The following ENPP2 variants were observed in gnomAD, a reference collection of about 807,000 sequenced individuals.
ENPP2 encodes the protein autotaxin.
In ENPP2, 51 loss-of-function variants were observed where a neutral mutation model predicts 120.2. That is an observed-to-expected ratio of 0.42 (90% CI 0.34 to 0.54). The LOEUF is 0.54. Ranked by LOEUF, ENPP2 falls within the 20% of genes least tolerant of loss-of-function variation. The pLI is 0.04. For missense variants in ENPP2, 920 were observed against 1,066.5 expected, an observed-to-expected ratio of 0.86 and a Z score of 1.91; for synonymous variants, 365 against 366.4, an observed-to-expected ratio of 1.00 and a Z score of 0.04.
chr8:119,563,660 T>G (rs912723321), intron 23 of ENPP2, among the ~76,000 whole-genome samples: 8 of 152,200 alleles, frequency 5.3e-5, no homozygotes, highest in Admixed American at 1.3e-4. Context: ...CAGAAATTCA[T>G]AATTCCTTGC....
At chr8:119,668,780 T>C (rs1818155652) in intron 1 of ENPP2, among the ~76,000 whole-genome samples, 2 of 152,188 alleles carry the variant, frequency 1.3e-5, no homozygotes, top group Admixed American at 6.5e-5. Context: ...CATATCACTA[T>C]TGATTTTATC....
At chr8:119,598,990 T>G (rs895644894) in intron 11 of ENPP2, among the ~76,000 whole-genome samples, 3 of 152,216 alleles carry the variant, frequency 2.0e-5, no homozygotes, top group Non-Finnish European at 4.4e-5. Flanking sequence ...GTAGGGAACA[T>G]GGAACTGCTT....
intron 1 of ENPP2, among the ~76,000 whole-genome samples, chr8:119,668,429 C>CTTTTT (rs5894492): frequency 8.2e-4 from 91 of 110,402 alleles, no homozygotes; most frequent in Non-Finnish European, 1.0e-3. Context: ...TTTTCTTTTT[C>CTTTTT]TTTTTTTTTT....
At chr8:119,604,842 C>T (rs142409930) in intron 9 of ENPP2, among the ~76,000 whole-genome samples, 5 of 152,190 alleles carry the variant, frequency 3.3e-5, no homozygotes, top group East Asian at 3.9e-4. Context: ...GGCATGGTCT[C>T]GGCTCACTGC....
intron 5 of ENPP2, among the ~76,000 whole-genome samples, chr8:119,617,928 G>A (rs140950172): frequency 0.015 from 2,288 of 152,106 alleles, 38 homozygotes; most frequent in African/African-American, 0.043. Context: ...CAGCCTGGGC[G>A]ACAAGAGTGA....
upstream of ENPP2, among the ~76,000 whole-genome samples, chr8:119,639,602 G>C (rs1206283520): frequency 1.3e-5 from 2 of 152,040 alleles, no homozygotes; most frequent in Non-Finnish European, 2.9e-5. Flanking sequence ...GCTTGTTTCG[G>C]GCGGGGCGGA....
chr8:119,596,145 A>G (rs1426316794), intron 11 of ENPP2: 5 of 660,692 alleles, frequency 7.6e-6, no homozygotes, highest in African/African-American at 5.5e-5. Flanking sequence ...GGAATGAGGG[A>G]TGGATGATTA....
chr8:119,641,035 C>T (rs1231777142), upstream of ENPP2, among the ~76,000 whole-genome samples: 6 of 152,134 alleles, frequency 3.9e-5, no homozygotes, highest in Admixed American at 2.6e-4. Flanking sequence ...GTGTGAACCA[C>T]CGTGCCTGGC....
chr8:119,557,820 T>A (rs1047236735), intron 24 of ENPP2, 129 bp from the exon 25 acceptor site: 8 of 656,080 alleles, frequency 1.2e-5, no homozygotes, highest in Non-Finnish European at 1.2e-5. Context: ...ATGTTGATCC[T>A]TCCTGGCCTC....
chr8:119,581,764 T>G, intron 18 of ENPP2, among the ~76,000 whole-genome samples: 1 of 81,144 alleles, frequency 1.2e-5, no homozygotes, highest in Non-Finnish European at 2.7e-5. Context: ...TTTCATTTCC[T>G]TTTTTTTTTT....
intron 3 of ENPP2, among the ~76,000 whole-genome samples, chr8:119,622,193 T>C (rs1815954816): frequency 6.6e-6 from 1 of 152,218 alleles, no homozygotes; most frequent in African/African-American, 2.4e-5. Flanking sequence ...CCTCCCAATG[T>C]GCTGGGATTA....
rs557538341 is a variant in ENPP2 at position 119,623,322 on chromosome 8, G to A, written c.293-1803C>T. Reference sequence around the variant, plus strand: ...CTACTAAAGATACAAAAAATTAGCCGGGCATGGTGGTGCATGCCTGTAATC... The same window carrying A: ...CTACTAAAGATACAAAAAATTAGCCAGGCATGGTGGTGCATGCCTGTAATC... On this transcript the variant is annotated intron_variant, in intron 3 of 24. Coordinates refer to ENST00000075322, the MANE Select transcript of ENPP2 (RefSeq NM_001040092.3). 7.2e-5 allele frequency among the ~76,000 whole-genome samples: 11 copies of A among 151,974 alleles called. No homozygotes were observed. The South Asian group carries it at 8.3e-4, about 12-fold the overall frequency.
chr8:119,569,864 T>TA (rs1041148708), intron 20 of ENPP2, among the ~76,000 whole-genome samples: 77 of 152,058 alleles, frequency 5.1e-4, no homozygotes, highest in African/African-American at 1.8e-3. Flanking sequence ...TCCTTTGTAT[T>TA]AAAAAATTTT....
At chr8:119,569,559 T>C (rs992817465) in intron 20 of ENPP2, among the ~76,000 whole-genome samples, 189 bp from the exon 21 acceptor site, 4 of 152,100 alleles carry the variant, frequency 2.6e-5, no homozygotes, top group African/African-American at 9.7e-5. Context: ...GCCACAAGTT[T>C]TCAAACTTTT....
At chr8:119,649,888 G>A (rs1046495573) in intron 1 of ENPP2, among the ~76,000 whole-genome samples, 3 of 152,160 alleles carry the variant, frequency 2.0e-5, no homozygotes, top group Non-Finnish European at 2.9e-5. Context: ...AAATTTAAAA[G>A]ATAGTTAATA....
chr8:119,620,746 CTA>C (rs1815833559), intron 4 of ENPP2, among the ~76,000 whole-genome samples: 2 of 152,200 alleles, frequency 1.3e-5, no homozygotes, highest in African/African-American at 4.8e-5. Flanking sequence ...GCATCATATT[CTA>C]CAATCAACCA....
At chr8:119,592,542 C>T (rs1455134771) in intron 12 of ENPP2, among the ~76,000 whole-genome samples, 1 of 149,184 alleles carries the variant, frequency 6.7e-6, no homozygotes, top group African/African-American at 2.5e-5. Context: ...AATGGATCTA[C>T]TCATCTTGGA....
chr8:119,607,519 CA>C (rs1168460378), intron 9 of ENPP2, among the ~76,000 whole-genome samples: 2 of 151,750 alleles, frequency 1.3e-5, no homozygotes, highest in Non-Finnish European at 2.9e-5. Flanking sequence ...ACTAAAGATA[CA>C]AAAAATTAGC....
At chr8:119,672,456 C>A (rs1163252265) in intron 1 of ENPP2, among the ~76,000 whole-genome samples, 1 of 152,054 alleles carries the variant, frequency 6.6e-6, no homozygotes, top group Non-Finnish European at 1.5e-5. Flanking sequence ...GCCCAGCAAT[C>A]GCTGGAACCC....
Sources: allele counts gnomAD v4.1 joint callset (sites outside exome capture counted in the v4.1 genomes callset), GRCh38; gene constraint gnomAD v4.1.1; transcripts MANE v1.5; gene names NCBI Gene and HGNC (gene_info 2026-07-23, HGNC 2026-07-21).